IGFBP2: variants seen among roughly 807,000 people sequenced by gnomAD.
IGFBP2 encodes the protein insulin like growth factor binding protein 2.
Under a neutral mutation model 26.2 loss-of-function variants are expected in IGFBP2, and 12 were observed. The ratio of observed to expected loss-of-function variants is 0.46; its 90% CI spans 0.29 to 0.74. The LOEUF (loss-of-function observed/expected upper bound fraction) is 0.74, where lower values mean the gene tolerates loss of function less well. Ranked by LOEUF, IGFBP2 falls within the 30% of genes least tolerant of loss-of-function variation. The pLI, the probability that IGFBP2 is intolerant of heterozygous loss-of-function variation, is 0.09. For synonymous variants in IGFBP2, 189 were observed against 200.6 expected, an observed-to-expected ratio of 0.94 and a Z score of 0.49; for missense variants, 328 against 441.2, an observed-to-expected ratio of 0.74 and a Z score of 2.30.
At chr2:216,643,225 C>T (rs1347750557) in intron 1 of IGFBP2, among the ~76,000 whole-genome samples, 1 of 152,142 alleles carries the variant, frequency 6.6e-6, no homozygotes, top group African/African-American at 2.4e-5. Context: ...TACATTGTCT[C>T]CAGAGTTTAC....
At chr2:216,651,756 C>T (rs975681754) in intron 1 of IGFBP2, among the ~76,000 whole-genome samples, 3 of 152,206 alleles carry the variant, frequency 2.0e-5, no homozygotes, top group Non-Finnish European at 4.4e-5. Context: ...TGATTGTTCA[C>T]ACATTCCTTT....
At chr2:216,660,469 A>C in intron 1 of IGFBP2, 88 bp from the exon 2 acceptor site, 2 of 944,210 alleles carry the variant, frequency 2.1e-6, no homozygotes, top group Non-Finnish European at 3.1e-6. Context: ...CTCCACCCTC[A>C]TCATCATTAC....
At chr2:216,652,763 A>T (rs1326262510) in intron 1 of IGFBP2, among the ~76,000 whole-genome samples, 1 of 152,240 alleles carries the variant, frequency 6.6e-6, no homozygotes, top group Non-Finnish European at 1.5e-5. Flanking sequence ...AGACGGAGCC[A>T]TGTGAGTTTT....
At chr2:216,634,753 AC>A (rs1336717030) in intron 1 of IGFBP2, among the ~76,000 whole-genome samples, 1 of 92,144 alleles carries the variant, frequency 1.1e-5, no homozygotes. Context: ...ATGCGTTGCC[AC>A]CCCCCACCCC....
At chr2:216,660,836 G>A in intron 2 of IGFBP2, 50 bp downstream of exon 2, 1 of 1,445,844 alleles carries the variant, frequency 6.9e-7, no homozygotes, top group South Asian at 1.2e-5. Context: ...AAGGAAAGTG[G>A]GGTCTCAGCT....
chr2:216,656,068 G>C (rs1042263287), intron 1 of IGFBP2, among the ~76,000 whole-genome samples: 1 of 152,174 alleles, frequency 6.6e-6, no homozygotes, highest in African/African-American at 2.4e-5. Flanking sequence ...CAATGGACAA[G>C]TTGGCCCTGC....
rs1317654123 is a variant in IGFBP2, at chr2:216,633,935, G to A, written c.412G>A (p.Glu138Lys). The A allele has an allele frequency of 6.2e-7, 1 of 1,603,616 alleles. No individual in the cohort carries two copies. The highest frequency in any genetic ancestry group is 8.5e-7 in the Non-Finnish European group (1 of 1,176,428). ...EGTCEKRRDA[E>K]YGASPEQVAD... ...CACTTGTGAGAAGCGCCGGGACGCC[G>A]AGTATGGCGCCAGCCCGGAGCAGGT... Residue 138 changes from glutamate (E) to lysine (K), a missense_variant, in exon 1 of 4, where the codon GAG becomes AAG. Physicochemically the swap from Glu to Lys is moderately conservative, Grantham distance 56. Transcript: ENST00000233809.
chr2:216,664,209 C>T lies in IGFBP2; in HGVS notation c.*105C>T, dbSNP rs1366889275. 1.1e-6 allele frequency: 1 copy of T among 905,214 alleles called. No individual in the cohort carries two copies. 56.1% of individuals were successfully genotyped at this position (905,214 alleles called of 1,614,324 possible). ...GTGGGTGCTGGAGGATTTTCCAGTT[C>T]TGACACACGTATTTATATTTGGAAA... is the stretch of plus-strand genomic sequence containing the variant. On this transcript the variant is annotated 3_prime_UTR_variant, in exon 4 of 4. Transcript: ENST00000233809. This position sits in a 1 kb window ranked among gnomAD's most constrained non-coding sequence, Gnocchi z 4.6.
intron 1 of IGFBP2, among the ~76,000 whole-genome samples, chr2:216,651,701 C>T (rs1450502440): frequency 6.6e-6 from 1 of 152,234 alleles, no homozygotes; most frequent in Non-Finnish European, 1.5e-5. Context: ...ACCTAGCCTT[C>T]CCCTCACATG....
chr2:216,656,378 A>T (rs1574565258), intron 1 of IGFBP2, among the ~76,000 whole-genome samples: 1 of 152,176 alleles, frequency 6.6e-6, no homozygotes, highest in Non-Finnish European at 1.5e-5. Context: ...TTAGCCGTGG[A>T]TGCGGAATAT....
chr2:216,642,983 AGAGTT>A (rs1448672365), intron 1 of IGFBP2, among the ~76,000 whole-genome samples: 3 of 152,262 alleles, frequency 2.0e-5, no homozygotes, highest in Admixed American at 2.0e-4. Flanking sequence ...TCAGAATAAT[AGAGTT>A]AAGTATTAAC....
rs9341154 is a variant in IGFBP2, at chr2:216,649,555, G to A, written c.443-11002G>A. On this transcript the variant is annotated intron_variant, in intron 1 of 3. Transcript: ENST00000233809. ...GCCAGGTTCCTGGATGGCTTTAGTT[G>A]AACCCAAGGAGAAATGTTTGGGACC... Among the ~76,000 whole-genome samples the A allele has an allele frequency of 8.5e-3, 1,297 of 152,342 alleles. 8 individuals are homozygous for A. The highest frequency in any genetic ancestry group is 0.013 in the Non-Finnish European group (894 of 68,026).
At chr2:216,652,717 T>G (rs953918811) in intron 1 of IGFBP2, among the ~76,000 whole-genome samples, 2 of 152,322 alleles carry the variant, frequency 1.3e-5, no homozygotes, top group South Asian at 4.1e-4. Context: ...GCCCAACATA[T>G]GTCAAGGCTA....
intron 1 of IGFBP2, among the ~76,000 whole-genome samples, chr2:216,652,952 A>G (rs1171319015): frequency 1.3e-4 from 20 of 152,294 alleles, no homozygotes; most frequent in Non-Finnish European, 4.4e-5. Flanking sequence ...CTCTTTCCCA[A>G]CCCTGCTCTT....
At chr2:216,656,073 C>T (rs1221844724) in intron 1 of IGFBP2, among the ~76,000 whole-genome samples, 1 of 152,070 alleles carries the variant, frequency 6.6e-6, no homozygotes, top group Non-Finnish European at 1.5e-5. Flanking sequence ...GACAAGTTGG[C>T]CCTGCCTGGC....
chr2:216,654,261 C>T (rs906743304), intron 1 of IGFBP2, among the ~76,000 whole-genome samples: 1 of 152,108 alleles, frequency 6.6e-6, no homozygotes, highest in East Asian at 1.9e-4. Flanking sequence ...TATGTGGGTA[C>T]TTCCTGGTAG....
At position 216,664,026 on chromosome 2, in the gene IGFBP2, C is replaced by T; in HGVS notation, c.900C>T (p.Ile300=). Residue 300 remains isoleucine, a synonymous_variant, in exon 4 of 4, where the codon ATC becomes ATT. Transcript: ENST00000233809. The surrounding 1 kb of genome is among the most constrained non-coding windows in gnomAD (Gnocchi z 4.6). ...TGKLIQGAPT[I]RGDPECHLFY... is the part of the protein sequence containing the mutation. ...AGCTGATCCAGGGAGCCCCCACCAT[C>T]CGGGGGGACCCCGAGTGTCATCTCT... 1 of 1,614,050 alleles carries T rather than the reference C, an allele frequency of 6.2e-7. No individual in the cohort carries two copies. Among genetic ancestry groups the T allele is most frequent in the Non-Finnish European group, 8.5e-7 (1 of 1,179,982 alleles).
At chr2:216,648,231 C>T (rs554131780) in intron 1 of IGFBP2, among the ~76,000 whole-genome samples, 2 of 152,316 alleles carry the variant, frequency 1.3e-5, no homozygotes, top group African/African-American at 2.4e-5. Flanking sequence ...GACACCTCCA[C>T]CACTCAGCAC....
chr2:216,636,196 A>G (rs1196462524), intron 1 of IGFBP2, among the ~76,000 whole-genome samples: 2 of 152,146 alleles, frequency 1.3e-5, no homozygotes, highest in Non-Finnish European at 2.9e-5. Context: ...GGCCTGGCCC[A>G]GACGGAGATC....
Sources: allele counts gnomAD v4.1 joint callset (sites outside exome capture counted in the v4.1 genomes callset), GRCh38; gene constraint gnomAD v4.1.1; non-coding constraint Gnocchi (gnomAD v3.1); transcripts MANE v1.5; gene names NCBI Gene and HGNC (gene_info 2026-07-23, HGNC 2026-07-21).